Variants in WIF1 observed in about 807,000 individuals in gnomAD.
WIF1 encodes Wnt inhibitory factor 1.
WIF1 carries 35 observed loss-of-function variants against 53.5 expected under a neutral mutation model. The observed-to-expected ratio is 0.65, with a 90% confidence interval of 0.50 to 0.87. The LOEUF (loss-of-function observed/expected upper bound fraction) is 0.87. Ranked by LOEUF, WIF1 falls within the 40% of genes least tolerant of loss-of-function variation. WIF1 has a pLI of 0.00. For synonymous variants in WIF1, 171 were observed against 170.4 expected (o/e 1.00, Z -0.03); for missense variants, 467 against 476.8 (o/e 0.98, Z 0.19).
At chr12:65,061,524 T>C (rs1479890869) in intron 7 of WIF1, among the ~76,000 whole-genome samples, 1 of 152,192 alleles carries the variant, frequency 6.6e-6, no homozygotes, top group East Asian at 1.9e-4. Flanking sequence ...TAAGGCAATC[T>C]AGGAGGGAGT....
At chr12:65,055,364 G>GTT in intron 8 of WIF1, 151 bp from the exon 9 acceptor site, 1 of 770,030 alleles carries the variant, frequency 1.3e-6, no homozygotes, top group South Asian at 2.1e-5. Context: ...TCATAAGTTG[G>GTT]TTTTGGACTT....
At chr12:65,083,780 C>CCCTTTTCCTTTCCTTTCCTTTCCTTT (rs1882985968) in intron 2 of WIF1, 1 of 237,680 alleles carries the variant, frequency 4.2e-6, no homozygotes, top group African/African-American at 3.6e-5. Flanking sequence ...TTTTCCCTTT[C>CCCTTTTCCTTTCCTTTCCTTTCCTTT]CCTTTCCTTT....
chr12:65,051,167 T>C lies in WIF1; in HGVS notation c.*182A>G. 1 of 676,504 alleles carries C rather than the reference T, an allele frequency of 1.5e-6. No individual in the cohort carries two copies. The highest frequency in any genetic ancestry group is 2.2e-6 in the Non-Finnish European group (1 of 449,594). The allele number at this position is 676,504 out of a possible 1,614,324, so 41.9% of individuals were successfully genotyped here. ...AACAAGAAAATCTATACCATCATGC[T>C]ACAGACGTACTTAGAAAACTTAAAA... is the stretch of plus-strand genomic sequence containing the variant. On this transcript the variant is annotated 3_prime_UTR_variant, in exon 10 of 10. Transcript: ENST00000286574.
At chr12:65,095,196 C>A (rs1180617897) in intron 2 of WIF1, among the ~76,000 whole-genome samples, 1 of 151,706 alleles carries the variant, frequency 6.6e-6, no homozygotes, top group African/African-American at 2.4e-5. Context: ...TGCCTCAGGC[C>A]CCCCAAAGTA....
At chr12:65,051,527 T>C in intron 9 of WIF1, 57 bp from the exon 10 acceptor site, 1 of 1,499,892 alleles carries the variant, frequency 6.7e-7, no homozygotes, top group South Asian at 1.3e-5. Context: ...GCTCTTCAGA[T>C]TCATTATTAA....
chr12:65,106,384 T>C (rs978561670), intron 2 of WIF1, among the ~76,000 whole-genome samples: 11 of 113,692 alleles, frequency 9.7e-5, no homozygotes, highest in African/African-American at 4.6e-4. Flanking sequence ...TTTTTTTTTA[T>C]TTTTTTTGTT....
chr12:65,070,563 G>T (rs766956701), intron 3 of WIF1, among the ~76,000 whole-genome samples: 1 of 152,128 alleles, frequency 6.6e-6, no homozygotes. Context: ...TACATGGACA[G>T]GTAGGCCAAT....
At chr12:65,055,697 C>T (rs1410294355) in intron 8 of WIF1, among the ~76,000 whole-genome samples, 2 of 152,222 alleles carry the variant, frequency 1.3e-5, no homozygotes, top group Non-Finnish European at 2.9e-5. Context: ...ATCGCTTACA[C>T]CTGGGGGGCG....
intron 6 of WIF1, among the ~76,000 whole-genome samples, chr12:65,065,259 A>C (rs1882670752): frequency 6.6e-6 from 1 of 152,142 alleles, no homozygotes; most frequent in African/African-American, 2.4e-5. Flanking sequence ...TAGAGATAGA[A>C]AAAGCATGGT....
At chr12:65,106,956 A>ATAAGTTC (rs1883361582) in intron 2 of WIF1, among the ~76,000 whole-genome samples, 1 of 152,234 alleles carries the variant, frequency 6.6e-6, no homozygotes, top group Non-Finnish European at 1.5e-5. Flanking sequence ...TTTAATGAGG[A>ATAAGTTC]TAAGTTCTAA....
At chr12:65,086,459 A>G (rs1462239273) in intron 2 of WIF1, among the ~76,000 whole-genome samples, 1 of 152,212 alleles carries the variant, frequency 6.6e-6, no homozygotes, top group Non-Finnish European at 1.5e-5. Flanking sequence ...AAATGTCATT[A>G]CAAGTGGTGT....
At chr12:65,105,785 A>T (rs949556433) in intron 2 of WIF1, among the ~76,000 whole-genome samples, 1 of 151,906 alleles carries the variant, frequency 6.6e-6, no homozygotes, top group Non-Finnish European at 1.5e-5. Flanking sequence ...ACTGGGCCCC[A>T]CCTCCCAACA....
At chr12:65,089,032 T>C (rs571962917) in intron 2 of WIF1, among the ~76,000 whole-genome samples, 84 of 152,252 alleles carry the variant, frequency 5.5e-4, no homozygotes, top group African/African-American at 1.7e-3. Context: ...ATCTTATCTA[T>C]TTCCATGACT....
At chr12:65,114,977 T>G (rs1883487369) in intron 2 of WIF1, among the ~76,000 whole-genome samples, 1 of 152,262 alleles carries the variant, frequency 6.6e-6, no homozygotes, top group Middle Eastern at 3.4e-3. Context: ...TTGGTACAGA[T>G]GTCTAGAGCT....
chr12:65,066,294 A>T (rs3782497), intron 6 of WIF1, among the ~76,000 whole-genome samples: 1 of 152,004 alleles, frequency 6.6e-6, no homozygotes, highest in East Asian at 1.9e-4. Context: ...ATTTATTTTT[A>T]GCAGTGCTTA....
intron 3 of WIF1, among the ~76,000 whole-genome samples, chr12:65,075,667 T>C (rs1471185436): frequency 6.6e-6 from 1 of 152,190 alleles, no homozygotes; most frequent in Non-Finnish European, 1.5e-5. Context: ...TATAAAATGC[T>C]AGATGCATAT....
chr12:65,085,703 C>T (rs1300422423), intron 2 of WIF1, among the ~76,000 whole-genome samples: 3 of 152,138 alleles, frequency 2.0e-5, no homozygotes, highest in Non-Finnish European at 4.4e-5. Context: ...TGTTTTTATA[C>T]ACACTAGACT....
chr12:65,120,300 C>A (rs1479515879), intron 2 of WIF1, 117 bp downstream of exon 2: 1 of 1,072,632 alleles, frequency 9.3e-7, no homozygotes, highest in Non-Finnish European at 1.3e-6. Context: ...CTTTGGCAAT[C>A]AGATGAGAAA....
chr12:65,112,259 G>C (rs1883442155), intron 2 of WIF1, among the ~76,000 whole-genome samples: 1 of 152,046 alleles, frequency 6.6e-6, no homozygotes, highest in African/African-American at 2.4e-5. Context: ...TAGATGCTAA[G>C]TCAATGTTTT....
Sources: gnomAD v4.1 joint callset for allele counts (sites outside exome capture counted in the v4.1 genomes callset) on GRCh38, gnomAD v4.1.1 for gene constraint, MANE v1.5 for transcripts, NCBI Gene and HGNC (gene_info 2026-07-23, HGNC 2026-07-21) for gene names.